Variants in AKAP9 observed in about 807,000 individuals in gnomAD.
AKAP9 encodes the protein A-kinase anchoring protein 9.
AKAP9 carries 311 observed loss-of-function variants against 488.5 expected under a neutral mutation model. The ratio of observed to expected loss-of-function variants is 0.64; its 90% CI spans 0.58 to 0.70. The LOEUF (loss-of-function observed/expected upper bound fraction) is 0.70, where lower values mean the gene tolerates loss of function less well. Ranked by LOEUF, AKAP9 falls within the 30% of genes least tolerant of loss-of-function variation. AKAP9 has a pLI of 0.00. For missense variants in AKAP9, 4,215 were observed against 4,374.5 expected (o/e 0.96, Z 1.03); for synonymous variants, 1,462 against 1,483.5 (o/e 0.99, Z 0.33).
intron 1 of AKAP9, among the ~76,000 whole-genome samples, chr7:91,948,398 T>C (rs906169901): frequency 5.3e-5 from 8 of 152,164 alleles, no homozygotes; most frequent in African/African-American, 1.9e-4. Context: ...CCATCAGCAA[T>C]GTATAGGACA....
intron 1 of AKAP9, chr7:91,970,448 T>C (rs1393050984): frequency 2.2e-6 from 1 of 456,416 alleles, no homozygotes; most frequent in Non-Finnish European, 4.4e-6. Flanking sequence ...TTTTGTTTTT[T>C]CACATTAGTG....
chr7:92,050,425 T>C (rs753341987), intron 21 of AKAP9, among the ~76,000 whole-genome samples: 1 of 152,100 alleles, frequency 6.6e-6, no homozygotes, highest in Non-Finnish European at 1.5e-5. Context: ...AGTGTTGTCC[T>C]CTGAGAGAGC....
At chr7:92,038,811 A>G (rs1805586584) in intron 17 of AKAP9, 39 bp downstream of exon 17, 1 of 1,392,014 alleles carries the variant, frequency 7.2e-7, no homozygotes, top group Admixed American at 1.9e-5. Context: ...CTTATTTAAA[A>G]ATTGTGAATT....
At position 91,956,921 on chromosome 7, in the gene AKAP9, C is replaced by G. The variant is rs560840826; in HGVS notation, c.48+15774C>G. Among the ~76,000 whole-genome samples the G allele has an allele frequency of 2.9e-4, 44 of 152,268 alleles. No homozygotes were observed. The South Asian group carries it at 3.3e-3, about 11-fold the overall frequency. On this transcript the variant is annotated intron_variant, in intron 1 of 49. Coordinates refer to ENST00000356239, the MANE Select transcript of AKAP9 (RefSeq NM_005751.5). ...CTTTTTGTGGATAAAAGTAGTGCCT[C>G]TCTTTATACAACTGATGGGGTTTTG...
chr7:92,089,557 T>C (rs1815180616), intron 38 of AKAP9, 28 bp downstream of exon 38: 1 of 1,608,600 alleles, frequency 6.2e-7, no homozygotes, highest in Admixed American at 1.7e-5. Context: ...CTCATATGGT[T>C]ACACAAACAG....
chr7:92,068,975 C>G lies in AKAP9; in HGVS notation c.6331-1055C>G, dbSNP rs10243126. On this transcript the variant is annotated intron_variant, in intron 26 of 49. Transcript: ENST00000356239. ...TTTCCATACAGTACAACTAATCCTT[C>G]CTGTCACAGAACCATTCACTTGAAG... 9.5e-3 allele frequency among the ~76,000 whole-genome samples: 1,453 copies of G among 152,212 alleles called. 21 individuals are homozygous for G. Among genetic ancestry groups the G allele is most frequent in the African/African-American group, 0.034 (1,397 of 41,532 alleles).
At chr7:91,978,517 G>C (rs1330395523) in intron 2 of AKAP9, among the ~76,000 whole-genome samples, 1 of 152,072 alleles carries the variant, frequency 6.6e-6, no homozygotes, top group Admixed American at 6.5e-5. Context: ...ATTTGGATTT[G>C]TTCCTTGACT....
chr7:91,950,780 A>G (rs1452836353), intron 1 of AKAP9, among the ~76,000 whole-genome samples: 1 of 152,222 alleles, frequency 6.6e-6, no homozygotes, highest in Non-Finnish European at 1.5e-5. Flanking sequence ...CTAAATGGCA[A>G]GATATTAGAA....
chr7:92,099,716 T>G lies in AKAP9; in HGVS notation c.10743T>G (p.Cys3581Trp). ...GCTTGGTGTCCCCAAGTACTTCTTGTGGCTCATTGACTGAAAGACTACTGA... is the reference window on the plus strand; with the variant it reads ...GCTTGGTGTCCCCAAGTACTTCTTGGGGCTCATTGACTGAAAGACTACTGA... The part of the protein sequence containing the change: ...EPSLVSPSTS[C>W]GSLTERLLRQ... Residue 3581 changes from cysteine (C) to tryptophan (W), a missense_variant, in exon 44 of 50, where the codon TGT (cysteine) becomes TGG (tryptophan). This residue lies in a region of AKAP9 where 1,476 missense variants were observed against 1,477.4 expected (regional missense o/e 1.00). Coordinates refer to ENST00000356239, the MANE Select transcript of AKAP9 (RefSeq NM_005751.5). 6.2e-7 allele frequency: 1 copy of G among 1,614,100 alleles called. No homozygotes were observed. The highest frequency in any genetic ancestry group is 8.5e-7 in the Non-Finnish European group (1 of 1,179,972).
At chr7:92,009,488 C>T (rs551504907) in intron 8 of AKAP9, among the ~76,000 whole-genome samples, 54 of 152,282 alleles carry the variant, frequency 3.5e-4, no homozygotes, top group Non-Finnish European at 6.2e-4. Flanking sequence ...TTCCCTCTCT[C>T]CTCTCCTCCA....
Position 92,070,180 on chromosome 7 carries a change from C to T in AKAP9, c.6481C>T (p.Leu2161Phe), listed in dbSNP as rs747360879. ...AGTAAGAGAACTGGAGCAGGCGCTT[C>T]TTGTGAGTGCAGATACTTTTCAAAA... ...FRVRELEQAL[L>F]VSADTFQKVE... is the part of the protein sequence containing the mutation. Residue 2161 changes from leucine to phenylalanine, a missense_variant, in exon 27 of 50, where the codon CTT becomes TTT. Physicochemically the swap from Leu to Phe is conservative, Grantham distance 22. Transcript: ENST00000356239. 3 of 1,613,864 alleles carry T rather than the reference C, an allele frequency of 1.9e-6. No individual in the cohort carries two copies. The Admixed American group carries it at 5.0e-5, about 27-fold the overall frequency.
At chr7:91,985,666 G>C (rs1211022547) in intron 3 of AKAP9, among the ~76,000 whole-genome samples, 2 of 151,746 alleles carry the variant, frequency 1.3e-5, no homozygotes, top group Non-Finnish European at 2.9e-5. Flanking sequence ...TCTTTTTTCT[G>C]TGGCGGAGTC....
chr7:91,964,775 C>T (rs1274134797), intron 1 of AKAP9, among the ~76,000 whole-genome samples: 1 of 152,036 alleles, frequency 6.6e-6, no homozygotes, highest in Non-Finnish European at 1.5e-5. Flanking sequence ...CAAAATCTAA[C>T]TAAAATTTTA....
Position 91,940,897 on chromosome 7 carries a change from G to A in AKAP9, c.-203G>A. 4 of 619,410 alleles carry A rather than the reference G, an allele frequency of 6.5e-6. No individual in the cohort carries two copies. The South Asian group carries it at 7.4e-5, about 12-fold the overall frequency. 38.4% of individuals were successfully genotyped at this position (619,410 alleles called of 1,614,324 possible). On this transcript the variant is annotated 5_prime_UTR_variant, in exon 1 of 50. Transcript: ENST00000356239. ...GGAGACGAAGATGGCGGCGGCGGCGGCGGTGACGGCGCTTCCCGTGCGGCT... is the reference window on the plus strand; with the variant it reads ...GGAGACGAAGATGGCGGCGGCGGCGACGGTGACGGCGCTTCCCGTGCGGCT...
intron 30 of AKAP9, 69 bp downstream of exon 30, chr7:92,077,944 T>C: frequency 9.2e-7 from 1 of 1,081,512 alleles, no homozygotes. Context: ...ATGGTTATAA[T>C]GTTGCTCCCC....
intron 3 of AKAP9, among the ~76,000 whole-genome samples, chr7:91,982,199 G>A (rs891521840): frequency 6.6e-6 from 1 of 150,934 alleles, no homozygotes; most frequent in Non-Finnish European, 1.5e-5. Context: ...ATGTATGTAT[G>A]TATGTATGAT....
At chr7:92,033,448 T>C (rs867355085) in intron 16 of AKAP9, among the ~76,000 whole-genome samples, 25 of 145,952 alleles carry the variant, frequency 1.7e-4, no homozygotes, top group Admixed American at 3.4e-4. Flanking sequence ...TTTTCTTTTT[T>C]TTTTTTTTTT....
rs768083906 is a variant in AKAP9 at position 92,022,271 on chromosome 7, G to C, written c.3871G>C (p.Glu1291Gln). The change falls in exon 13 of 50, where the codon GAA becomes CAA. Residue 1291 changes from glutamate to glutamine, a missense_variant. Physicochemically the swap from Glu to Gln is conservative, Grantham distance 29 (BLOSUM62 2). Coordinates refer to ENST00000356239, the MANE Select transcript of AKAP9 (RefSeq NM_005751.5). ...WGQQTDGMKL[E>Q]FGEENLPKEE... ...ACAGCAGACAGATGGTATGAAACTTGAATTTGGAGAAGAAAACCTTCCAAA... is the reference window on the plus strand; with the variant it reads ...ACAGCAGACAGATGGTATGAAACTTCAATTTGGAGAAGAAAACCTTCCAAA... 3 of 1,613,482 alleles carry C rather than the reference G, an allele frequency of 1.9e-6. No individual in the cohort carries two copies. The African/African-American group carries it at 4.0e-5, about 22-fold the overall frequency.
Position 92,038,645 on chromosome 7 carries a change from G to A in AKAP9, c.4565G>A (p.Gly1522Glu), listed in dbSNP as rs1348186476. 6.2e-7 allele frequency: 1 copy of A among 1,611,794 alleles called. No homozygotes were observed. The highest frequency in any genetic ancestry group is 8.5e-7 in the Non-Finnish European group (1 of 1,179,046). Residue 1522 changes from glycine to glutamate, a missense_variant, in exon 17 of 50, where the codon GGA becomes GAA. By Grantham distance (98) the Gly-to-Glu change is moderately conservative. Transcript: ENST00000356239. Reference sequence around the variant, plus strand: ...TTTAAACCACTTAGTAAAGAGTTAGGAGAACATGGAAAGGAAATTTTATTA... The same window carrying A: ...TTTAAACCACTTAGTAAAGAGTTAGAAGAACATGGAAAGGAAATTTTATTA... ...EEFKPLSKEL[G>E]EHGKEILLSN...
Sources: allele counts gnomAD v4.1 joint callset (sites outside exome capture counted in the v4.1 genomes callset), GRCh38; gene constraint gnomAD v4.1.1; regional missense constraint gnomAD v4.1.1; transcripts MANE v1.5; gene names NCBI Gene and HGNC (gene_info 2026-07-23, HGNC 2026-07-21).